Variants in SALL3 observed in about 807,000 individuals in gnomAD.
The protein encoded by SALL3 is sal-like protein 3.
SALL3 carries 25 observed loss-of-function variants against 66.2 expected under a neutral mutation model. That is an observed-to-expected ratio of 0.38 (90% CI 0.28 to 0.53). SALL3 has a LOEUF of 0.53. SALL3 is among the 20% of genes least tolerant of loss of function. SALL3 has a pLI of 0.85. For synonymous variants in SALL3, 1,152 were observed against 899.1 expected (o/e 1.28, Z -5.03); for missense variants, 2,194 against 1,916.5 (o/e 1.14, Z -2.70).
chr18:78,995,488 C>G, intron 2 of SALL3, 26 bp downstream of exon 2: 1 of 1,507,368 alleles, frequency 6.6e-7, no homozygotes, highest in Non-Finnish European at 8.8e-7. Context: ...GCTCCAGCCC[C>G]GGCTGCGGTG....
rs2146223566 is a variant in SALL3, at chr18:78,997,674, AT to A, written c.*355del. The A allele has an allele frequency of 3.5e-6, 1 of 288,136 alleles. No homozygotes were observed. Among genetic ancestry groups the A allele is most frequent in the Non-Finnish European group, 6.5e-6 (1 of 154,576 alleles). The allele number at this position is 288,136 out of a possible 1,614,324, so 17.8% of individuals were successfully genotyped here. A position where few individuals can be genotyped will look rare whatever the true frequency, so the allele number is the denominator to read the frequency against. On this transcript the variant is annotated 3_prime_UTR_variant, in exon 3 of 3. Coordinates refer to ENST00000537592, the MANE Select transcript of SALL3 (RefSeq NM_171999.4). Reference sequence around the variant, plus strand: ...TCTCTGCGGTATTCCAGTGAAACTCATTTGATGGTTTCTTTTGAATTAGTTA... The same window carrying A: ...TCTCTGCGGTATTCCAGTGAAACTCATTGATGGTTTCTTTTGAATTAGTTA...
chr18:78,989,322 C>T (rs35458092), intron 1 of SALL3, among the ~76,000 whole-genome samples: 2 of 151,988 alleles, frequency 1.3e-5, no homozygotes, highest in Non-Finnish European at 2.9e-5. Flanking sequence ...TGTAAAAATG[C>T]AAATTGTTAA....
Position 78,998,901 on chromosome 18 carries a change from AACT to A in SALL3, c.*1582_*1584del, listed in dbSNP as rs1914788333. 6.6e-6 allele frequency: 1 copy of A among 152,234 alleles called. No individual in the cohort carries two copies. Among genetic ancestry groups the A allele is most frequent in the Admixed American group, 6.5e-5 (1 of 15,274 alleles). 9.4% of individuals were successfully genotyped at this position (152,234 alleles called of 1,614,324 possible). On this transcript the variant is annotated 3_prime_UTR_variant, in exon 3 of 3. Transcript: ENST00000537592. ...GAGGCAGCACAAACACGGCGTCGTG[AACT>A]ACCTCATTTTCGTGCGTTGCAAGTG...
rs142294539 is a variant in SALL3, at chr18:78,995,375, G to T, written c.3384G>T (p.Leu1128=). The T allele has an allele frequency of 3.0e-4, 482 of 1,583,814 alleles. 1 individual carries two copies. The Middle Eastern group carries it at 3.3e-3, about 11-fold the overall frequency. ...AGACCTTCTCCTCGGCCAGCGCCCT[G>T]CAGATCCATGAGCGCACGCACACCG... ...CGKTFSSASA[L]QIHERTHTGE... is the part of the protein sequence containing the mutation. Residue 1128 remains leucine, a synonymous_variant, in exon 2 of 3, where the codon CTG becomes CTT. Coordinates refer to ENST00000537592, the MANE Select transcript of SALL3 (RefSeq NM_171999.4).
Position 78,993,838 on chromosome 18 carries a change from A to C in SALL3, c.1847A>C (p.Gln616Pro), listed in dbSNP as rs1166933508. 1 of 1,552,148 alleles carries C rather than the reference A, an allele frequency of 6.4e-7. No homozygotes were observed. The highest frequency in any genetic ancestry group is 8.7e-7 in the Non-Finnish European group (1 of 1,150,710). Residue 616 changes from glutamine (Q) to proline (P), a missense_variant, in exon 2 of 3, where the codon CAG (glutamine) becomes CCG (proline). Transcript: ENST00000537592. Reference protein sequence around the residue: ...ARAGDAPVGAQASAAPTSVDG... With the variant: ...ARAGDAPVGAPASAAPTSVDG... Reference sequence around the variant, plus strand: ...GCCGGGGACGCTCCCGTGGGCGCGCAGGCTAGCGCTGCACCCACATCGGTG... The same window carrying C: ...GCCGGGGACGCTCCCGTGGGCGCGCCGGCTAGCGCTGCACCCACATCGGTG...
Position 78,993,770 on chromosome 18 carries a change from C to T in SALL3, c.1779C>T (p.Leu593=). 1 of 1,546,282 alleles carries T rather than the reference C, an allele frequency of 6.5e-7. No individual in the cohort carries two copies. Among genetic ancestry groups the T allele is most frequent in the Non-Finnish European group, 8.7e-7 (1 of 1,155,772 alleles). ...AGTCGCTCCTCGGCGGGCCGCCCCTCACTAAAGCCGAGCCCGTCAGCCTGC... is the reference window on the plus strand; with the variant it reads ...AGTCGCTCCTCGGCGGGCCGCCCCTTACTAAAGCCGAGCCCGTCAGCCTGC... The part of the protein sequence containing the change: ...SPQSLLGGPP[L]TKAEPVSLPC... Residue 593 remains leucine, a synonymous_variant, in exon 2 of 3, where the codon CTC becomes CTT. Transcript: ENST00000537592.
At chr18:78,986,030 T>G (rs1371743100) in intron 1 of SALL3, among the ~76,000 whole-genome samples, 1 of 152,242 alleles carries the variant, frequency 6.6e-6, no homozygotes, top group Non-Finnish European at 1.5e-5. Flanking sequence ...GCGTTCCTTA[T>G]AAGTGTGATG....
Position 78,997,219 on chromosome 18 carries a change from G to A in SALL3, c.3800G>A (p.Ser1267Asn), listed in dbSNP as rs1344498494. The A allele has an allele frequency of 4.3e-6, 7 of 1,614,036 alleles. No homozygotes were observed. Among genetic ancestry groups the A allele is most frequent in the Non-Finnish European group, 5.9e-6 (7 of 1,180,030 alleles). ...ASGMDKARTG[S>N]SPPIVSLDKA... is the part of the protein sequence containing the mutation. ...GGGATGGACAAAGCACGCACTGGCAGTAGCCCACCCATCGTCAGCTTGGAC... is the reference window on the plus strand; with the variant it reads ...GGGATGGACAAAGCACGCACTGGCAATAGCCCACCCATCGTCAGCTTGGAC... Residue 1267 changes from serine to asparagine, a missense_variant, in exon 3 of 3, where the codon AGT becomes AAT. Physicochemically the swap from Ser to Asn is conservative, Grantham distance 46 (BLOSUM62 1). Transcript: ENST00000537592.
chr18:78,988,811 A>T (rs1330524840), intron 1 of SALL3, among the ~76,000 whole-genome samples: 4 of 152,248 alleles, frequency 2.6e-5, no homozygotes, highest in African/African-American at 7.2e-5. Context: ...TAGAAAATAT[A>T]GATGATGATC....
rs1264932145 is a variant in SALL3 at position 78,980,160 on chromosome 18, A to AGCCGCC, written c.-108_-103dup. ...GCTCAGCCCCATGCGCGGCCCGCGC[A>AGCCGCC]GCCGCCGCCGCCCCGCGCCCCGCGC... On this transcript the variant is annotated 5_prime_UTR_variant, in exon 1 of 3. Transcript: ENST00000537592. 5.1e-6 allele frequency: 1 copy of AGCCGCC among 196,828 alleles called. No homozygotes were observed. Among genetic ancestry groups the AGCCGCC allele is most frequent in the African/African-American group, 2.4e-5 (1 of 41,222 alleles). 12.2% of individuals were successfully genotyped at this position (196,828 alleles called of 1,614,324 possible).
In SALL3 at chr18:78,993,180, C is replaced by G; in HGVS notation, c.1189C>G (p.Arg397Gly). Residue 397 changes from arginine to glycine, a missense_variant, in exon 2 of 3, where the codon CGC (arginine) becomes GGC (glycine). Coordinates refer to ENST00000537592, the MANE Select transcript of SALL3 (RefSeq NM_171999.4). ...LDPLSALMKH[R>G]KGKPPNVSVF... ...CCCGCTGTCCGCGCTCATGAAGCACCGCAAGGGCAAGCCGCCCAATGTGTC... is the reference window on the plus strand; with the variant it reads ...CCCGCTGTCCGCGCTCATGAAGCACGGCAAGGGCAAGCCGCCCAATGTGTC... The G allele has an allele frequency of 6.2e-7, 1 of 1,609,916 alleles. No individual in the cohort carries two copies. The highest frequency in any genetic ancestry group is 1.1e-5 in the South Asian group (1 of 90,612).
rs1475492833 is a variant in SALL3 at position 78,980,454 on chromosome 18, G to C, written c.82+98G>C. On this transcript the variant is annotated intron_variant, in intron 1 of 2. Coordinates refer to ENST00000537592, the MANE Select transcript of SALL3 (RefSeq NM_171999.4). The stretch of plus-strand genomic sequence containing the variant: ...GGAGCGGATGCGCGCGTCCGGGAGC[G>C]GGAGAAAGTTCCCTGCTTCCTGCGG... The C allele has an allele frequency of 1.4e-4, 99 of 699,092 alleles. No individual in the cohort carries two copies. In the African/African-American group the frequency reaches 1.8e-3, roughly 13 times the overall value. 43.3% of individuals were successfully genotyped at this position (699,092 alleles called of 1,614,324 possible).
At chr18:78,982,527 G>T (rs1914107730) in intron 1 of SALL3, among the ~76,000 whole-genome samples, 1 of 152,164 alleles carries the variant, frequency 6.6e-6, no homozygotes, top group Non-Finnish European at 1.5e-5. Flanking sequence ...GAAGCAGCTT[G>T]TTCAAGGAGC....
chr18:78,984,371 C>G (rs1019863192), intron 1 of SALL3, among the ~76,000 whole-genome samples: 8 of 151,972 alleles, frequency 5.3e-5, no homozygotes, highest in Non-Finnish European at 8.8e-5. Context: ...TGAGGATATG[C>G]ACCATCTTTC....
rs748642155 is a variant in SALL3, at chr18:78,993,600, G to A, written c.1609G>A (p.Ala537Thr). 8.2e-6 allele frequency: 13 copies of A among 1,586,742 alleles called. No homozygotes were observed. The highest frequency in any genetic ancestry group is 2.2e-5 in the South Asian group (2 of 89,228). ...GCAACTGCCGCCCACTGTCCCTGGC[G>A]CGCACGGCTACGCCGACTCTCCCAG... is the stretch of plus-strand genomic sequence containing the variant. ...GLQLPPTVPG[A>T]HGYADSPSAT... The change falls in exon 2 of 3, where the codon GCG becomes ACG. Residue 537 changes from alanine (A) to threonine (T), a missense_variant. Ala to Thr is a moderately conservative substitution (Grantham distance 58, BLOSUM62 0). Coordinates refer to ENST00000537592, the MANE Select transcript of SALL3 (RefSeq NM_171999.4).
At chr18:78,983,599 C>CA (rs1914146751) in intron 1 of SALL3, among the ~76,000 whole-genome samples, 1 of 152,010 alleles carries the variant, frequency 6.6e-6, no homozygotes, top group South Asian at 2.1e-4. Flanking sequence ...TAAGAATTTA[C>CA]CAGTGGTTTT....
intron 1 of SALL3, among the ~76,000 whole-genome samples, chr18:78,984,633 AAAAC>A (rs1290610583): frequency 1.3e-5 from 2 of 152,214 alleles, no homozygotes; most frequent in Non-Finnish European, 2.9e-5. Flanking sequence ...TTTAAAAAAA[AAAAC>A]CTGTCTAGGG....
chr18:78,994,702 C>T lies in SALL3; in HGVS notation c.2711C>T (p.Ala904Val). 6.2e-7 allele frequency: 1 copy of T among 1,605,620 alleles called. No individual in the cohort carries two copies. The highest frequency in any genetic ancestry group is 1.7e-4 in the Middle Eastern group (1 of 5,860). ...CTGTCCGAGTCCTCGTCCTCGCAGG[C>T]CCTGTCGCCGGCCCCCAGCAATGGT... ...PALSESSSSQALSPAPSNGES... is the reference protein window; with the variant it reads ...PALSESSSSQVLSPAPSNGES... Residue 904 changes from alanine (A) to valine (V), a missense_variant, in exon 2 of 3, where the codon GCC becomes GTC. Physicochemically the swap from Ala to Val is moderately conservative, Grantham distance 64. Coordinates refer to ENST00000537592, the MANE Select transcript of SALL3 (RefSeq NM_171999.4).
chr18:78,991,904 G>A (rs1914445294), intron 1 of SALL3, 170 bp from the exon 2 acceptor site: 1 of 501,324 alleles, frequency 2.0e-6, no homozygotes, highest in Non-Finnish European at 3.3e-6. Flanking sequence ...ATTGGGCTAA[G>A]AAAATGATTA....
Sources: gnomAD v4.1 joint callset for allele counts (sites outside exome capture counted in the v4.1 genomes callset) on GRCh38, gnomAD v4.1.1 for gene constraint, MANE v1.5 for transcripts, NCBI Gene and HGNC (gene_info 2026-07-23, HGNC 2026-07-21) for gene names.